Variants in TMEM260 observed in about 807,000 individuals in gnomAD.
The protein encoded by TMEM260 is transmembrane protein 260.
Under a neutral mutation model 88.9 loss-of-function variants are expected in TMEM260, and 82 were observed. The observed-to-expected ratio is 0.92, with a 90% CI of 0.77 to 1.11. The LOEUF (loss-of-function observed/expected upper bound fraction) is 1.11, where lower values mean the gene tolerates loss of function less well. Ranked by LOEUF, TMEM260 falls within the 50% of genes least tolerant of loss-of-function variation. TMEM260 has a pLI of 0.00. For synonymous variants in TMEM260, 314 were observed against 309.3 expected (o/e 1.02, Z -0.16); for missense variants, 902 against 853.4 (o/e 1.06, Z -0.71).
intron 3 of TMEM260, among the ~76,000 whole-genome samples, chr14:56,596,336 AAATC>A (rs1194157309): frequency 6.6e-6 from 1 of 150,652 alleles, no homozygotes; most frequent in Non-Finnish European, 1.5e-5. Flanking sequence ...GTTTTTCAAA[AAATC>A]AAATAGTTTT....
intron 3 of TMEM260, among the ~76,000 whole-genome samples, chr14:56,587,774 T>C (rs527897059): frequency 3.2e-4 from 48 of 152,166 alleles, no homozygotes; most frequent in Admixed American, 9.8e-4. Flanking sequence ...GTACACGTCC[T>C]TTGGGAATAA....
At chr14:56,650,461 A>T (rs1007244023), downstream of TMEM260, 3 of 155,578 alleles carry the variant, frequency 1.9e-5, no homozygotes, top group Non-Finnish European at 2.9e-5. Context: ...GGTTCTTGGT[A>T]TTGACTTGCC....
At chr14:56,633,264 T>C (rs1242815627) in intron 13 of TMEM260, 93 bp downstream of exon 13, 1 of 1,068,000 alleles carries the variant, frequency 9.4e-7, no homozygotes, top group East Asian at 2.6e-5. Context: ...TCTAATTTTT[T>C]TTTTTATTAA....
chr14:56,609,390 A>G (rs1887111390), intron 6 of TMEM260, 105 bp downstream of exon 6: 1 of 1,096,268 alleles, frequency 9.1e-7, no homozygotes, highest in African/African-American at 1.6e-5. Context: ...CAGTAGATCA[A>G]ATGTTTGTTT....
intron 1 of TMEM260, among the ~76,000 whole-genome samples, chr14:56,580,564 G>T (rs775599649): frequency 3.3e-5 from 5 of 152,192 alleles, no homozygotes; most frequent in South Asian, 2.1e-4. Flanking sequence ...GAGAGTGGGG[G>T]TAAGTAGTGG....
chr14:56,621,709 A>G lies in TMEM260; in HGVS notation c.1398+7A>G. The G allele has an allele frequency of 6.3e-7, 1 of 1,594,268 alleles. No individual in the cohort carries two copies. Among genetic ancestry groups the G allele is most frequent in the Non-Finnish European group, 8.5e-7 (1 of 1,172,506 alleles). On this transcript the variant is annotated splice_region_variant and intron_variant, in intron 11 of 15. Coordinates refer to ENST00000261556, the MANE Select transcript of TMEM260 (RefSeq NM_017799.4). The stretch of plus-strand genomic sequence containing the variant: ...TTCATTAGTGGATCAGGAAGTAAGT[A>G]TATGAAAAATATACTTAGAATATAG...
intron 7 of TMEM260, chr14:56,615,502 C>T (rs926632766): frequency 6.6e-6 from 1 of 152,660 alleles, no homozygotes; most frequent in African/African-American, 2.4e-5. Context: ...AATTATCTCT[C>T]ATGGCCTTTA....
At chr14:56,663,073 G>T in the TMEM260 span, among the ~76,000 whole-genome samples, 74 of 152,138 alleles carry the variant, frequency 4.9e-4, no homozygotes, top group African/African-American at 1.7e-3. This position sits in a 1 kb window ranked among gnomAD's most constrained non-coding sequence, Gnocchi z 4.1. Flanking sequence ...AGGTTGGGGT[G>T]AGCCAAGATC....
Position 56,647,521 on chromosome 14 carries a change from C to A in TMEM260, c.*24C>A. ...GAGACAGCAAAATATGAAAAACCTG[C>A]TCATCGTTCAGCTTCCAAAATTCTG... is the stretch of plus-strand genomic sequence containing the variant. On this transcript the variant is annotated 3_prime_UTR_variant, in exon 16 of 16. Transcript: ENST00000261556. 1 of 1,559,572 alleles carries A rather than the reference C, an allele frequency of 6.4e-7. No homozygotes were observed. The highest frequency in any genetic ancestry group is 8.6e-7 in the Non-Finnish European group (1 of 1,158,226).
rs764003207 is a variant in TMEM260, at chr14:56,603,926, T to C, written c.456T>C (p.Phe152=). Residue 152 remains phenylalanine, a synonymous_variant, in exon 4 of 16, where the codon TTT becomes TTC. Transcript: ENST00000261556. The part of the protein sequence containing the change: ...AAEVFSLNNL[F]VGLLMALTVH... ...AGGTTTTTAGCTTAAACAATCTCTTTGTGGGGCTGCTTATGGCTCTTACTG... is the reference window on the plus strand; with the variant it reads ...AGGTTTTTAGCTTAAACAATCTCTTCGTGGGGCTGCTTATGGCTCTTACTG... The C allele has an allele frequency of 5.0e-6, 8 of 1,613,292 alleles. No homozygotes were observed. The South Asian group carries it at 6.6e-5, about 13-fold the overall frequency.
At chr14:56,585,977 A>G in intron 3 of TMEM260, 65 bp downstream of exon 3, 1 of 1,502,858 alleles carries the variant, frequency 6.7e-7, no homozygotes, top group Non-Finnish European at 9.0e-7. Context: ...TTATGGCTCA[A>G]GTACATACAT....
chr14:56,596,661 G>A (rs988655383), intron 3 of TMEM260, among the ~76,000 whole-genome samples: 39 of 149,728 alleles, frequency 2.6e-4, no homozygotes, highest in Admixed American at 6.6e-4. Flanking sequence ...CACTTGGGAG[G>A]CTGAGGCAGG....
intron 2 of TMEM260, 97 bp from the exon 3 acceptor site, chr14:56,585,664 A>G (rs1341398382): frequency 8.3e-7 from 1 of 1,199,788 alleles, no homozygotes; most frequent in Non-Finnish European, 1.2e-6. Flanking sequence ...CCTAATCTTT[A>G]TAGCTGCTTG....
intron 12 of TMEM260, among the ~76,000 whole-genome samples, chr14:56,630,583 CCTTTT>C (rs1478763132): frequency 2.6e-5 from 4 of 151,864 alleles, no homozygotes; most frequent in Non-Finnish European, 5.9e-5. Context: ...CTCCATCTTT[CCTTTT>C]GTTTCTAGAG....
downstream of TMEM260, among the ~76,000 whole-genome samples, chr14:56,653,288 A>T (rs1890238211): frequency 6.6e-6 from 1 of 152,236 alleles, no homozygotes; most frequent in Non-Finnish European, 1.5e-5. Context: ...AGTTTCATTT[A>T]AAATGTGTAT....
downstream of TMEM260, among the ~76,000 whole-genome samples, chr14:56,655,550 G>A (rs777841801): frequency 2.1e-4 from 32 of 152,212 alleles, no homozygotes; most frequent in African/African-American, 6.3e-4. Context: ...CACAGGGTTC[G>A]CTTTTACTAG....
intron 11 of TMEM260, among the ~76,000 whole-genome samples, chr14:56,623,824 G>T (rs955091985): frequency 6.6e-6 from 1 of 151,950 alleles, no homozygotes; most frequent in African/African-American, 2.4e-5. Context: ...TCATTTGCTG[G>T]GTAATGTCTT....
intron 3 of TMEM260, among the ~76,000 whole-genome samples, chr14:56,592,356 A>G (rs569735432): frequency 6.6e-6 from 1 of 152,220 alleles, no homozygotes; most frequent in Non-Finnish European, 1.5e-5. Flanking sequence ...CTTGACAATG[A>G]AAAGATTTAT....
chr14:56,621,573 A>C lies in TMEM260; in HGVS notation c.1269A>C (p.Ala423=). 1 of 1,610,612 alleles carries C rather than the reference A, an allele frequency of 6.2e-7. No homozygotes were observed. The highest frequency in any genetic ancestry group is 1.1e-5 in the South Asian group (1 of 89,834). The change falls in exon 11 of 16, where the codon GCA becomes GCC. Residue 423 remains alanine, a synonymous_variant. Transcript: ENST00000261556. ...QRTNYVIDKF[A]KNLLTSMPHD... ...CCAACTATGTGATTGATAAGTTCGC[A>C]AAGAACCTTCTCACCTCTATGCCTC...
Sources: allele counts gnomAD v4.1 joint callset (sites outside exome capture counted in the v4.1 genomes callset), GRCh38; gene constraint gnomAD v4.1.1; non-coding constraint Gnocchi (gnomAD v3.1); transcripts MANE v1.5; gene names NCBI Gene and HGNC (gene_info 2026-07-23, HGNC 2026-07-21).